Variants in NLGN4X observed in about 807,000 individuals in gnomAD.
NLGN4X encodes the protein neuroligin 4 X-linked.
Under a neutral mutation model 40.3 loss-of-function variants are expected in NLGN4X, and 3 were observed. That is an observed-to-expected ratio of 0.07 (90% CI 0.03 to 0.19). NLGN4X has a LOEUF of 0.19. Ranked by LOEUF, NLGN4X falls within the 10% of genes least tolerant of loss-of-function variation. The pLI is 1.00. For missense variants in NLGN4X, 382 were observed against 708.3 expected (o/e 0.54, Z 5.23); for synonymous variants, 270 against 306.8 (o/e 0.88, Z 1.25).
At chrX:5,895,522 T>C (rs2031440557) in intron 5 of NLGN4X, among the ~76,000 whole-genome samples, 1 of 111,571 alleles carries the variant, frequency 9.0e-6, no homozygotes, top group African/African-American at 3.3e-5. Flanking sequence ...TTACATACTA[T>C]ATACAAGTAT....
intron 2 of NLGN4X, among the ~76,000 whole-genome samples, chrX:6,116,544 C>T (rs1357125222): frequency 1.1e-5 from 1 of 93,728 alleles, no homozygotes; most frequent in African/African-American, 4.0e-5. Flanking sequence ...GCCCCCGCCT[C>T]CCAGGTTCAA....
At chrX:6,228,464 G>C (rs1466123221) in intron 1 of NLGN4X, 77 bp downstream of exon 1, 2 of 112,148 alleles carry the variant, frequency 1.8e-5, no homozygotes, top group Non-Finnish European at 3.8e-5. Context: ...TCCATCCTTT[G>C]CTGCAAGTCA....
chrX:5,899,840 T>C (rs1240733170), intron 5 of NLGN4X, among the ~76,000 whole-genome samples: 3 of 111,872 alleles, frequency 2.7e-5, no homozygotes, highest in South Asian at 7.6e-4. Context: ...TGAGGAATGA[T>C]TCTAGCTTTC....
At chrX:5,934,409 T>A (rs2033665210) in intron 3 of NLGN4X, among the ~76,000 whole-genome samples, 1 of 112,050 alleles carries the variant, frequency 8.9e-6, no homozygotes, top group African/African-American at 3.2e-5. Flanking sequence ...CCTGTAACAA[T>A]CTGACGATGT....
chrX:6,059,337 C>T (rs1230635765), intron 2 of NLGN4X, among the ~76,000 whole-genome samples: 2 of 111,926 alleles, frequency 1.8e-5, no homozygotes, highest in East Asian at 5.7e-4. Flanking sequence ...TAGAGGGTAA[C>T]AGCACATGAG....
intron 5 of NLGN4X, among the ~76,000 whole-genome samples, chrX:5,897,889 T>C (rs1439165094): frequency 3.9e-5 from 4 of 102,025 alleles, no homozygotes; most frequent in African/African-American, 1.4e-4. Context: ...CCTCCCTCCT[T>C]CTTTCCTTCC....
At chrX:5,983,139 A>G (rs2035437287) in intron 3 of NLGN4X, among the ~76,000 whole-genome samples, 1 of 112,732 alleles carries the variant, frequency 8.9e-6, no homozygotes, top group Non-Finnish European at 1.9e-5. Flanking sequence ...AACTAAATTC[A>G]GTCTTGCAAG....
intron 2 of NLGN4X, among the ~76,000 whole-genome samples, chrX:6,076,592 G>A (rs1357710243): frequency 1.8e-5 from 2 of 112,190 alleles, no homozygotes; most frequent in African/African-American, 6.5e-5. Context: ...CAACAGCTTA[G>A]CTGATCAACA....
intron 3 of NLGN4X, 62 bp from the exon 4 acceptor site, chrX:5,909,301 T>C: frequency 8.9e-7 from 1 of 1,127,654 alleles, no homozygotes; most frequent in Non-Finnish European, 1.2e-6. Context: ...GTGTCTCTGC[T>C]ATTTGAAAAG....
intron 2 of NLGN4X, among the ~76,000 whole-genome samples, chrX:6,112,571 T>C (rs1046896481): frequency 7.3e-5 from 8 of 109,595 alleles, no homozygotes; most frequent in African/African-American, 2.3e-4. Context: ...GCTTTCTTTT[T>C]TTTTTTTTTT....
intron 2 of NLGN4X, among the ~76,000 whole-genome samples, chrX:6,150,335 A>G (rs1369191946): frequency 1.8e-5 from 2 of 112,525 alleles, no homozygotes; most frequent in Non-Finnish European, 3.7e-5. Flanking sequence ...TATATAAAAA[A>G]GGAAATTTTT....
intron 3 of NLGN4X, among the ~76,000 whole-genome samples, chrX:6,020,334 T>A (rs1343139844): frequency 8.9e-6 from 1 of 111,983 alleles, no homozygotes; most frequent in Admixed American, 9.5e-5. Context: ...TTATGTTAAG[T>A]GATACAAGCC....
At chrX:6,194,665 T>A (rs757201899) in intron 1 of NLGN4X, among the ~76,000 whole-genome samples, 1 of 112,569 alleles carries the variant, frequency 8.9e-6, no homozygotes, top group East Asian at 2.8e-4. Context: ...TGATTTCTCA[T>A]AACACCTAGC....
chrX:5,894,765 T>A (rs2031397008), intron 5 of NLGN4X, among the ~76,000 whole-genome samples: 1 of 112,587 alleles, frequency 8.9e-6, no homozygotes, highest in Admixed American at 9.4e-5. Flanking sequence ...ATTTTTTTTA[T>A]GGCTTGTAAA....
intron 2 of NLGN4X, among the ~76,000 whole-genome samples, chrX:6,066,100 T>G (rs1397684680): frequency 3.6e-5 from 4 of 112,225 alleles, no homozygotes; most frequent in Non-Finnish European, 7.5e-5. Context: ...TGGTTTAACA[T>G]GAGGTTACAT....
intron 5 of NLGN4X, among the ~76,000 whole-genome samples, chrX:5,897,279 C>G (rs1257532254): frequency 1.8e-5 from 2 of 111,781 alleles, no homozygotes; most frequent in East Asian, 2.8e-4. Flanking sequence ...TTTTGTCCAT[C>G]TCTTTCCACA....
At chrX:6,021,069 C>T (rs376261711) in intron 3 of NLGN4X, among the ~76,000 whole-genome samples, 71 of 21,393 alleles carry the variant, frequency 3.3e-3, no homozygotes, top group Middle Eastern at 0.031. Flanking sequence ...TCCCTCCCTC[C>T]CTCCCTCCCT....
intron 2 of NLGN4X, among the ~76,000 whole-genome samples, chrX:6,047,925 C>G (rs888938931): frequency 9.0e-6 from 1 of 111,429 alleles, no homozygotes; most frequent in Non-Finnish European, 1.9e-5. Context: ...CTCAAAGAAG[C>G]CAAACATGCT....
chrX:6,073,115 A>C (rs894068016), intron 2 of NLGN4X, among the ~76,000 whole-genome samples: 1 of 112,202 alleles, frequency 8.9e-6, no homozygotes, highest in African/African-American at 3.2e-5. Flanking sequence ...AACTAGTTAA[A>C]GTGGCATGTC....
Sources: allele counts gnomAD v4.1 joint callset (sites outside exome capture counted in the v4.1 genomes callset), GRCh38; gene constraint gnomAD v4.1.1; transcripts MANE v1.5; gene names NCBI Gene and HGNC (gene_info 2026-07-23, HGNC 2026-07-21).